The following LPP variants were observed in gnomAD, a reference collection of about 807,000 sequenced individuals.
The protein encoded by LPP is LIM domain containing preferred translocation partner in lipoma.
Under a neutral mutation model 60.4 loss-of-function variants are expected in LPP, and 38 were observed. The ratio of observed to expected loss-of-function variants is 0.63; its 90% CI spans 0.49 to 0.83. LPP has a LOEUF of 0.83. LPP is among the 40% of genes least tolerant of loss of function. The pLI is 0.00. For missense variants in LPP, 902 were observed against 783.6 expected (o/e 1.15, Z -1.80); for synonymous variants, 328 against 290.8 (o/e 1.13, Z -1.30).
intron 4 of LPP, among the ~76,000 whole-genome samples, chr3:188,438,766 C>T (rs532959438): frequency 1.9e-4 from 29 of 152,252 alleles, no homozygotes; most frequent in Admixed American, 4.6e-4. Context: ...AAGAGAATTA[C>T]GATGGTGAGC....
chr3:188,729,636 GGT>G (rs930718222), intron 8 of LPP, among the ~76,000 whole-genome samples: 2 of 152,036 alleles, frequency 1.3e-5, no homozygotes, highest in Non-Finnish European at 2.9e-5. Flanking sequence ...CTATATTTTT[GGT>G]GTGTTTTGTG....
At chr3:188,293,249 G>T (rs970888840) in intron 2 of LPP, among the ~76,000 whole-genome samples, 24 of 152,308 alleles carry the variant, frequency 1.6e-4, no homozygotes, top group African/African-American at 5.5e-4. Flanking sequence ...CAGAAAATGT[G>T]GTTTTTCTTG....
At chr3:188,181,746 G>A (rs344948) in intron 1 of LPP, among the ~76,000 whole-genome samples, 2,567 of 152,218 alleles carry the variant, frequency 0.017, 52 homozygotes, top group African/African-American at 0.058. Flanking sequence ...TTTAGAGACA[G>A]GGTCACTCTC....
At chr3:188,648,829 T>C (rs1174786287) in intron 7 of LPP, among the ~76,000 whole-genome samples, 14 of 152,202 alleles carry the variant, frequency 9.2e-5, no homozygotes, top group Non-Finnish European at 2.1e-4. Flanking sequence ...ATTTTATTGT[T>C]GGCCAGTTTG....
chr3:188,456,066 ATT>A (rs1023354625), intron 4 of LPP, among the ~76,000 whole-genome samples: 1 of 151,946 alleles, frequency 6.6e-6, no homozygotes, highest in Non-Finnish European at 1.5e-5. Context: ...CTAATTTTCT[ATT>A]TTTTGTAGAG....
At position 188,577,903 on chromosome 3, in the gene LPP, CCT is replaced by C. The variant is rs568814990; in HGVS notation, c.430-31248_430-31247del. On this transcript the variant is annotated intron_variant, in intron 6 of 11. Transcript: ENST00000617246. ...GTCTTCCTCTCCCCACCTCCATCTCCCTCTCTCTCTCCTCCCTCCCTGCCGCC... is the reference window on the plus strand; with the variant it reads ...GTCTTCCTCTCCCCACCTCCATCTCCCTCTCTCTCCTCCCTCCCTGCCGCC... Among the ~76,000 whole-genome samples the C allele has an allele frequency of 9.6e-4, 141 of 147,310 alleles. 1 individual carries two copies. The highest frequency in any genetic ancestry group is 3.5e-3 in the African/African-American group (139 of 40,206).
chr3:188,681,886 G>GC (rs1339858998), intron 7 of LPP, among the ~76,000 whole-genome samples: 1 of 152,170 alleles, frequency 6.6e-6, no homozygotes, highest in Non-Finnish European at 1.5e-5. Flanking sequence ...ACATACAGCA[G>GC]CCCCAACACT....
chr3:188,258,859 CTGAGAACATT>C (rs1732596011), intron 2 of LPP, among the ~76,000 whole-genome samples: 1 of 152,160 alleles, frequency 6.6e-6, no homozygotes, highest in South Asian at 2.1e-4. Context: ...GATTTATTCA[CTGAGAACATT>C]TATATTTTTT....
chr3:188,397,879 G>T (rs1446329747), intron 3 of LPP, among the ~76,000 whole-genome samples: 4 of 152,090 alleles, frequency 2.6e-5, no homozygotes, highest in Admixed American at 2.0e-4. Context: ...CTCCCAAAGT[G>T]CTGGGATTAC....
chr3:188,866,371 T>TG lies in LPP; in HGVS notation c.1582_1583insG (p.Phe528CysfsTer51). On this transcript the variant is annotated frameshift_variant, in exon 10 of 12. Transcript: ENST00000617246. LOFTEE classifies it high-confidence loss of function. ...CGGGCTCATTCACTGCATTGAGGAC[T>TG]TCCACAAGTAGGCAACCTACTCTCT... 6.8e-7 allele frequency: 1 copy of TG among 1,472,888 alleles called. No homozygotes were observed. The highest frequency in any genetic ancestry group is 1.4e-5 in the South Asian group (1 of 70,416). The allele number at this position is 1,472,888 out of a possible 1,614,324, so 91.2% of individuals were successfully genotyped here.
rs546749776 is a variant in LPP at position 188,173,529 on chromosome 3, CA to C, written c.-190+19285del. Among the ~76,000 whole-genome samples, 22 of 150,842 alleles carry C rather than the reference CA, an allele frequency of 1.5e-4. 1 individual carries two copies. In the South Asian group the frequency reaches 4.2e-3, roughly 29 times the overall value. ...AAAAAACAAAAACAAAAAAAACAAA[CA>C]AAAAAAACCAACCTGGGCAGCAGAG... On this transcript the variant is annotated intron_variant, in intron 1 of 11. Transcript: ENST00000617246.
At chr3:188,579,188 C>G (rs894206749) in intron 6 of LPP, among the ~76,000 whole-genome samples, 1 of 152,164 alleles carries the variant, frequency 6.6e-6, no homozygotes, top group African/African-American at 2.4e-5. Context: ...CCAAAGCCAT[C>G]GCTGAATCCT....
intron 1 of LPP, among the ~76,000 whole-genome samples, chr3:188,191,689 G>A (rs917116961): frequency 4.6e-5 from 7 of 152,198 alleles, no homozygotes; most frequent in Non-Finnish European, 1.0e-4. Flanking sequence ...AGGAGGGGAG[G>A]CATAGGAGAC....
At chr3:188,389,802 C>A (rs1779255309) in intron 3 of LPP, among the ~76,000 whole-genome samples, 2 of 122,500 alleles carry the variant, frequency 1.6e-5, no homozygotes, top group African/African-American at 3.3e-5. Context: ...AAATGGGACT[C>A]CGTCTCAAAA....
At chr3:188,731,516 T>TTTTTGTTTTGTTTTATTTTG (rs1553817769) in intron 8 of LPP, among the ~76,000 whole-genome samples, 1 of 145,700 alleles carries the variant, frequency 6.9e-6, no homozygotes, top group Non-Finnish European at 1.5e-5. Flanking sequence ...TTTTTTGTTT[T>TTTTTGTTTTGTTTTATTTTG]TTTTGTTTTG....
At chr3:188,388,241 A>G (rs1267435058) in intron 3 of LPP, among the ~76,000 whole-genome samples, 1 of 152,198 alleles carries the variant, frequency 6.6e-6, no homozygotes, top group African/African-American at 2.4e-5. Context: ...AAGTTGAGAC[A>G]TGCCTTATTC....
At chr3:188,169,335 GC>G (rs1720899587) in intron 1 of LPP, among the ~76,000 whole-genome samples, 1 of 152,160 alleles carries the variant, frequency 6.6e-6, no homozygotes, top group Admixed American at 6.5e-5. Flanking sequence ...CGTATTATTG[GC>G]TTGCAGTGTG....
intron 3 of LPP, among the ~76,000 whole-genome samples, chr3:188,360,117 C>G (rs1023857523): frequency 6.6e-6 from 1 of 152,158 alleles, no homozygotes; most frequent in Non-Finnish European, 1.5e-5. Flanking sequence ...CACTTTCCCC[C>G]CTTCTGTTAC....
intron 1 of LPP, chr3:188,179,216 C>G (rs1277335852): frequency 4.4e-6 from 2 of 457,336 alleles, no homozygotes; most frequent in East Asian, 6.9e-5. Context: ...AATTTGCCAC[C>G]GTGAAGAGCA....
Sources: allele counts gnomAD v4.1 joint callset (sites outside exome capture counted in the v4.1 genomes callset), GRCh38; gene constraint gnomAD v4.1.1; transcripts MANE v1.5; gene names NCBI Gene and HGNC (gene_info 2026-07-23, HGNC 2026-07-21).